IK: variants seen among roughly 807,000 people sequenced by gnomAD.
The protein encoded by IK is protein Red.
Under a neutral mutation model 90.9 loss-of-function variants are expected in IK, and 47 were observed. That is an observed-to-expected ratio of 0.52 (90% confidence interval 0.41 to 0.66). The LOEUF is 0.66. Ranked by LOEUF, IK falls within the 30% of genes least tolerant of loss-of-function variation. The pLI is 0.00. For synonymous variants in IK, 201 were observed against 227.5 expected, an observed-to-expected ratio of 0.88 and a Z score of 1.05; for missense variants, 385 against 709.3, an observed-to-expected ratio of 0.54 and a Z score of 5.19.
intron 2 of IK, among the ~76,000 whole-genome samples, chr5:140,649,787 C>G (rs1357355725): frequency 1.3e-5 from 2 of 152,102 alleles, no homozygotes; most frequent in Non-Finnish European, 2.9e-5. Flanking sequence ...CCCGTCTCGG[C>G]GGCCCAAAGT....
At chr5:140,656,495 T>C (rs1392609378) in intron 9 of IK, among the ~76,000 whole-genome samples, 1 of 151,882 alleles carries the variant, frequency 6.6e-6, no homozygotes, top group Non-Finnish European at 1.5e-5. Flanking sequence ...TCTGGAGCTA[T>C]TAAAAAGGCT....
intron 15 of IK, 43 bp downstream of exon 15, chr5:140,660,238 G>A (rs1367663651): frequency 7.2e-7 from 1 of 1,385,420 alleles, no homozygotes; most frequent in Admixed American, 1.7e-5. Flanking sequence ...GGATGATTGG[G>A]AAACAAGTTG....
intron 1 of IK, 154 bp from the exon 2 acceptor site, chr5:140,648,317 T>G: frequency 1.3e-6 from 1 of 761,808 alleles, no homozygotes; most frequent in South Asian, 1.4e-5. Flanking sequence ...TCCCACAGCT[T>G]CTTGTAGTTT....
chr5:140,660,550 A>G (rs1757787394), intron 15 of IK: 1 of 552,096 alleles, frequency 1.8e-6, no homozygotes, highest in African/African-American at 1.9e-5. Flanking sequence ...TGCCCTCCTC[A>G]GCCTCCAAAA....
At chr5:140,660,289 C>CTTTTTTTTT (rs1387044855) in intron 15 of IK, 94 bp downstream of exon 15, 55 of 282,648 alleles carry the variant, frequency 1.9e-4, no homozygotes, top group Middle Eastern at 1.0e-3. Context: ...CCCAGGGCTA[C>CTTTTTTTTT]TTCTTTTTTT....
chr5:140,653,472 G>A (rs1234051608), intron 5 of IK, among the ~76,000 whole-genome samples: 2 of 149,882 alleles, frequency 1.3e-5, no homozygotes, highest in African/African-American at 4.9e-5. Flanking sequence ...ATTTTTAGTA[G>A]AGACAGGGTT....
At chr5:140,650,933 A>G (rs964538625) in intron 2 of IK, among the ~76,000 whole-genome samples, 3 of 152,180 alleles carry the variant, frequency 2.0e-5, no homozygotes, top group Non-Finnish European at 4.4e-5. Context: ...CTTCTTATAT[A>G]CATATGTCAG....
rs2149807446 is a variant in IK at position 140,657,633 on chromosome 5, G to A, written c.881G>A (p.Arg294His). 3.1e-6 allele frequency: 5 copies of A among 1,612,236 alleles called. No individual in the cohort carries two copies. Among genetic ancestry groups the A allele is most frequent in the Non-Finnish European group, 3.4e-6 (4 of 1,178,554 alleles). Residue 294 changes from arginine to histidine, a missense_variant, in exon 10 of 20, where the codon CGT becomes CAT. By Grantham distance (29) the Arg-to-His change is conservative. Transcript: ENST00000417647. ...QILSYLRQGT[R>H]NKKLKKKDKG... is the part of the protein sequence containing the mutation. ...CTTTCATACCTGAGGCAGGGAACCC[G>A]TAACAAGAAGCTTAAGAAGAAGGAT...
chr5:140,659,623 T>G, intron 13 of IK, 133 bp from the exon 14 acceptor site: 1 of 680,718 alleles, frequency 1.5e-6, no homozygotes, highest in Admixed American at 2.5e-5. Flanking sequence ...GAGTGACTCA[T>G]TAATTGGAGT....
chr5:140,658,179 T>A (rs754584837), intron 10 of IK, among the ~76,000 whole-genome samples: 28 of 152,086 alleles, frequency 1.8e-4, no homozygotes, highest in Non-Finnish European at 3.5e-4. Flanking sequence ...CTAATTTTTG[T>A]ATTTTCAGTA....
chr5:140,661,413 A>G lies in IK; in HGVS notation c.1414-207A>G, dbSNP rs575207523. ...TAGTTCCCTCTTCATAGATTTTATG[A>G]GAATTAAGTGAGATATGCATTTAGT... On this transcript the variant is annotated intron_variant, in intron 16 of 19. Coordinates refer to ENST00000417647, the MANE Select transcript of IK (RefSeq NM_006083.4). The surrounding 1 kb of genome is among the most constrained non-coding windows in gnomAD (Gnocchi z 4.2). The G allele has an allele frequency of 1.9e-6, 1 of 528,250 alleles. No individual in the cohort carries two copies. Among genetic ancestry groups the G allele is most frequent in the South Asian group, 2.5e-5 (1 of 39,970 alleles). 32.7% of individuals were successfully genotyped at this position (528,250 alleles called of 1,614,324 possible). A position where few individuals can be genotyped will look rare whatever the true frequency, so the allele number is the denominator to read the frequency against.
At chr5:140,655,130 AAT>A (rs1757683753) in intron 8 of IK, among the ~76,000 whole-genome samples, 2 of 151,868 alleles carry the variant, frequency 1.3e-5, no homozygotes, top group African/African-American at 4.9e-5. Context: ...AAAATACTCT[AAT>A]AAGACTCAGA....
intron 4 of IK, 91 bp from the exon 5 acceptor site, chr5:140,652,886 T>C (rs1757639237): frequency 8.7e-7 from 1 of 1,148,608 alleles, no homozygotes; most frequent in Non-Finnish European, 1.3e-6. Context: ...AGAGAGTAGG[T>C]TGGAGATGTA....
chr5:140,654,844 T>C, intron 8 of IK, 117 bp downstream of exon 8: 1 of 745,382 alleles, frequency 1.3e-6, no homozygotes, highest in East Asian at 2.7e-5. Context: ...TTCTTTCTTT[T>C]TGAGACAGTG....
chr5:140,654,798 G>A, intron 8 of IK, 71 bp downstream of exon 8: 3 of 1,000,224 alleles, frequency 3.0e-6, no homozygotes, highest in Non-Finnish European at 4.6e-6. Context: ...CTCTGGGAAG[G>A]ATATGCTTCT....
In IK at chr5:140,661,619, G is replaced by C; in HGVS notation, c.1414-1G>C. 6.2e-7 allele frequency: 1 copy of C among 1,602,644 alleles called. No individual in the cohort carries two copies. The highest frequency in any genetic ancestry group is 8.5e-7 in the Non-Finnish European group (1 of 1,173,672). ...CATCCCCCGATTCTGTCCTGCAACA[G>C]GGTAACAAGAAGGGGCCCTTAGGCC... On this transcript the variant is annotated splice_acceptor_variant, in intron 16 of 19. Coordinates refer to ENST00000417647, the MANE Select transcript of IK (RefSeq NM_006083.4). LOFTEE classifies it high-confidence loss of function. The surrounding 1 kb of genome is among the most constrained non-coding windows in gnomAD (Gnocchi z 4.2).
At position 140,659,194 on chromosome 5, in the gene IK, T is replaced by TG. The variant is rs766032700; in HGVS notation, c.1176+32dup. 6.3e-6 allele frequency: 10 copies of TG among 1,597,138 alleles called. No homozygotes were observed. In the Admixed American group the frequency reaches 1.8e-4, roughly 28 times the overall value. Reference sequence around the variant, plus strand: ...GATGTGGGCCCTTAGTACCAGGTGATGGAGTTGCCCCTCTCTGGAAATGTG... The same window carrying TG: ...GATGTGGGCCCTTAGTACCAGGTGATGGGAGTTGCCCCTCTCTGGAAATGTG... On this transcript the variant is annotated intron_variant, in intron 12 of 19. Coordinates refer to ENST00000417647, the MANE Select transcript of IK (RefSeq NM_006083.4).
At chr5:140,652,048 G>A in intron 3 of IK, 40 bp from the exon 4 acceptor site, 1 of 1,514,700 alleles carries the variant, frequency 6.6e-7, no homozygotes, top group Non-Finnish European at 9.2e-7. Flanking sequence ...CTGGGGCTGT[G>A]GCAATATTTT....
chr5:140,659,117 G>T lies in IK; in HGVS notation c.1129G>T (p.Glu377Ter), dbSNP rs1463461695. 6.2e-7 allele frequency: 1 copy of T among 1,603,160 alleles called. No homozygotes were observed. The highest frequency in any genetic ancestry group is 8.5e-7 in the Non-Finnish European group (1 of 1,174,858). Residue 377 changes from glutamate to a stop codon, truncating the protein, a stop_gained, in exon 12 of 20, where the codon GAA becomes TAA. Coordinates refer to ENST00000417647, the MANE Select transcript of IK (RefSeq NM_006083.4). LOFTEE classifies it high-confidence loss of function. ...ERERDREREE[E>*]KKRHSYFEKP... is the part of the protein sequence containing the mutation. ...AGAGCGGGACCGAGAGAGAGAAGAGGAAAAGAAGAGACACAGCTACTTTGA... is the reference window on the plus strand; with the variant it reads ...AGAGCGGGACCGAGAGAGAGAAGAGTAAAAGAAGAGACACAGCTACTTTGA...
Sources: gnomAD v4.1 joint callset for allele counts (sites outside exome capture counted in the v4.1 genomes callset) on GRCh38, gnomAD v4.1.1 for gene constraint, Gnocchi (gnomAD v3.1) non-coding constraint, MANE v1.5 for transcripts, NCBI Gene and HGNC (gene_info 2026-07-23, HGNC 2026-07-21) for gene names.